Variants in FERMT2 observed in about 807,000 individuals in gnomAD.
FERMT2 encodes the protein fermitin family homolog 2.
FERMT2 carries 15 observed loss-of-function variants against 82.7 expected under a neutral mutation model. That is an observed-to-expected ratio of 0.18 (90% CI 0.12 to 0.28). The LOEUF (loss-of-function observed/expected upper bound fraction) is 0.28. FERMT2 is among the 10% of genes least tolerant of loss of function. FERMT2 has a pLI of 1.00. For missense variants in FERMT2, 645 were observed against 809.4 expected (o/e 0.80, Z 2.46); for synonymous variants, 274 against 271.5 (o/e 1.01, Z -0.09).
intron 2 of FERMT2, among the ~76,000 whole-genome samples, chr14:52,946,366 A>G (rs1566766479): frequency 6.6e-6 from 1 of 152,098 alleles, no homozygotes; most frequent in South Asian, 2.1e-4. Flanking sequence ...TGATTAAAAA[A>G]AAAAAAACAG....
At chr14:52,869,503 C>G (rs1424967337) in intron 10 of FERMT2, among the ~76,000 whole-genome samples, 1 of 152,130 alleles carries the variant, frequency 6.6e-6, no homozygotes, top group Non-Finnish European at 1.5e-5. Context: ...CGACAATGCC[C>G]TCATAAGACT....
At chr14:52,903,355 T>C (rs974382012) in intron 3 of FERMT2, among the ~76,000 whole-genome samples, 2 of 151,946 alleles carry the variant, frequency 1.3e-5, no homozygotes, top group African/African-American at 2.4e-5. Flanking sequence ...CTAGGCAACA[T>C]AGTGATACCC....
chr14:52,910,376 T>C (rs1888249291), intron 3 of FERMT2, among the ~76,000 whole-genome samples: 1 of 152,172 alleles, frequency 6.6e-6, no homozygotes, highest in Admixed American at 6.5e-5. Flanking sequence ...TAACAAGCTC[T>C]AAACACAAAA....
chr14:52,858,790 G>C (rs1036850903), intron 14 of FERMT2: 3 of 406,540 alleles, frequency 7.4e-6, no homozygotes, highest in African/African-American at 3.9e-5. Context: ...GGAATGCAAG[G>C]GTTTTAGGTC....
chr14:52,940,865 G>C (rs1184742680), intron 2 of FERMT2, among the ~76,000 whole-genome samples: 2 of 152,138 alleles, frequency 1.3e-5, no homozygotes, highest in African/African-American at 2.4e-5. Flanking sequence ...GACAGCAACT[G>C]GAACTCTCAT....
intron 3 of FERMT2, among the ~76,000 whole-genome samples, chr14:52,901,105 CAAAAAA>C (rs71125146): frequency 1.5e-4 from 10 of 68,616 alleles, no homozygotes; most frequent in Non-Finnish European, 2.6e-4. Flanking sequence ...ACTAAAAATA[CAAAAAA>C]AAAAAAAAAA....
chr14:52,950,985 G>A lies in FERMT2; in HGVS notation c.-74C>T, dbSNP rs1890613804. 6.5e-6 allele frequency: 1 copy of A among 154,478 alleles called. No homozygotes were observed. Among genetic ancestry groups the A allele is most frequent in the Non-Finnish European group, 1.4e-5 (1 of 70,078 alleles). 9.6% of individuals were successfully genotyped at this position (154,478 alleles called of 1,614,324 possible). On this transcript the variant is annotated 5_prime_UTR_variant, in exon 1 of 15. Transcript: ENST00000341590. Reference sequence around the variant, plus strand: ...AACAGGCGAGGGGCTGGAGGCTCGCGGGGCGGCGGTGTCCGCGTCCGGTTC... The same window carrying A: ...AACAGGCGAGGGGCTGGAGGCTCGCAGGGCGGCGGTGTCCGCGTCCGGTTC...
chr14:52,928,726 G>C (rs181803854), intron 2 of FERMT2, among the ~76,000 whole-genome samples: 9 of 152,192 alleles, frequency 5.9e-5, no homozygotes, highest in African/African-American at 1.4e-4. Context: ...CTTCTCAGTA[G>C]ACAACCATGG....
intron 7 of FERMT2, 114 bp downstream of exon 7, chr14:52,878,468 G>A: frequency 1.5e-6 from 1 of 688,096 alleles, no homozygotes; most frequent in East Asian, 2.8e-5. Context: ...CTTTCTTCAT[G>A]GCAAAAATTC....
chr14:52,895,155 A>G (rs540228638), intron 3 of FERMT2, among the ~76,000 whole-genome samples: 228 of 152,318 alleles, frequency 1.5e-3, no homozygotes, highest in Admixed American at 3.1e-3. Flanking sequence ...TAAAACCACA[A>G]TGAGATAGCA....
At position 52,866,745 on chromosome 14, in the gene FERMT2, C is replaced by T. The variant is rs1885303625; in HGVS notation, c.1274-1892G>A. ...TGTCACTTGGTCTCAAGGGACAACT[C>T]CACCTCTTATGTCTCCAAGAAAATG... is the stretch of plus-strand genomic sequence containing the variant. On this transcript the variant is annotated intron_variant, in intron 10 of 14. Transcript: ENST00000341590. Among the ~76,000 whole-genome samples the T allele has an allele frequency of 3.9e-5, 6 of 152,208 alleles. No homozygotes were observed. In the South Asian group the frequency reaches 1.2e-3, roughly 31 times the overall value.
chr14:52,916,464 T>C (rs946795581), intron 3 of FERMT2, among the ~76,000 whole-genome samples: 1 of 152,106 alleles, frequency 6.6e-6, no homozygotes, highest in Admixed American at 6.6e-5. Context: ...GGCTACATAC[T>C]GTATGAGTCC....
intron 3 of FERMT2, among the ~76,000 whole-genome samples, chr14:52,906,456 T>A (rs1177507946): frequency 6.6e-6 from 1 of 151,494 alleles, no homozygotes; most frequent in African/African-American, 2.4e-5. Context: ...TTCCAAGTAA[T>A]TTGGTGATCA....
chr14:52,933,419 C>A (rs1267975453), intron 2 of FERMT2, among the ~76,000 whole-genome samples: 5 of 151,920 alleles, frequency 3.3e-5, no homozygotes, highest in Non-Finnish European at 7.4e-5. Context: ...AAAAACTTTC[C>A]AAGTCTGGGC....
At chr14:52,909,862 G>C (rs900177846) in intron 3 of FERMT2, among the ~76,000 whole-genome samples, 2 of 152,094 alleles carry the variant, frequency 1.3e-5, no homozygotes, top group African/African-American at 4.8e-5. Context: ...AGACCATCCT[G>C]GCAAACATGG....
chr14:52,883,385 G>A (rs938626696), intron 4 of FERMT2, among the ~76,000 whole-genome samples: 1 of 152,130 alleles, frequency 6.6e-6, no homozygotes, highest in Admixed American at 6.5e-5. Context: ...TAAATGTGCT[G>A]AACACATTAC....
At chr14:52,911,500 A>C (rs1888308002) in intron 3 of FERMT2, among the ~76,000 whole-genome samples, 1 of 151,890 alleles carries the variant, frequency 6.6e-6, no homozygotes, top group African/African-American at 2.4e-5. Flanking sequence ...ATAAACAAAA[A>C]ATTAGCTGGG....
At chr14:52,903,796 A>C (rs1887816014) in intron 3 of FERMT2, among the ~76,000 whole-genome samples, 1 of 152,152 alleles carries the variant, frequency 6.6e-6, no homozygotes, top group Non-Finnish European at 1.5e-5. Context: ...ATCAACACTG[A>C]GGAAAACTCA....
Position 52,858,287 on chromosome 14 carries a change from C to T in FERMT2, c.*90G>A. ...GTTTTCATGATAAAATGATAAATTT[C>T]AAGCTTACTTTATTAAGCAGCATAT... On this transcript the variant is annotated 3_prime_UTR_variant, in exon 15 of 15. Coordinates refer to ENST00000341590, the MANE Select transcript of FERMT2 (RefSeq NM_006832.3). 1 of 1,158,836 alleles carries T rather than the reference C, an allele frequency of 8.6e-7. No individual in the cohort carries two copies. The highest frequency in any genetic ancestry group is 1.2e-6 in the Non-Finnish European group (1 of 801,422). The allele number at this position is 1,158,836 out of a possible 1,614,324, so 71.8% of individuals were successfully genotyped here. A position where few individuals can be genotyped will look rare whatever the true frequency, so the allele number is the denominator to read the frequency against.
Sources: gnomAD v4.1 joint callset for allele counts (sites outside exome capture counted in the v4.1 genomes callset) on GRCh38, gnomAD v4.1.1 for gene constraint, MANE v1.5 for transcripts, NCBI Gene and HGNC (gene_info 2026-07-23, HGNC 2026-07-21) for gene names.